GRTP1: variants seen among roughly 807,000 people sequenced by gnomAD.
GRTP1 encodes the protein growth hormone-regulated TBC protein 1.
In GRTP1, 56 loss-of-function variants were observed where a neutral mutation model predicts 38.1. The observed-to-expected ratio is 1.47, with a 90% CI of 1.19 to 1.84. GRTP1 has a LOEUF of 1.84. Among genes scored for constraint, GRTP1 ranks in the 40% most tolerant of loss-of-function variants. The pLI, the probability that GRTP1 is intolerant of heterozygous loss-of-function variation, is 0.00. For missense variants in GRTP1, 506 were observed against 453.9 expected (o/e 1.11, Z -1.04); for synonymous variants, 217 against 189.5 (o/e 1.14, Z -1.19).
chr13:113,347,684 A>G (rs1469684459), intron 4 of GRTP1, among the ~76,000 whole-genome samples: 3 of 19,534 alleles, frequency 1.5e-4, no homozygotes, highest in East Asian at 1.1e-3. Context: ...GGCAGAGAGC[A>G]GACCCGGGAG....
chr13:113,328,071 C>T (rs891256399), intron 5 of GRTP1, among the ~76,000 whole-genome samples: 7 of 152,238 alleles, frequency 4.6e-5, no homozygotes, highest in East Asian at 1.9e-4. Context: ...GCCGGCGCAG[C>T]GGCTGCTCCC....
chr13:113,338,173 G>A (rs1295184598), intron 5 of GRTP1, among the ~76,000 whole-genome samples: 2 of 152,298 alleles, frequency 1.3e-5, no homozygotes, highest in Non-Finnish European at 1.5e-5. Flanking sequence ...TCGCCCGCCC[G>A]GGGAGCGGCG....
chr13:113,359,490 CGGGAGGAT>C (rs916173883), intron 2 of GRTP1: 1 of 152,254 alleles, frequency 6.6e-6, no homozygotes, highest in African/African-American at 2.4e-5. Context: ...GAGGCTGAGG[CGGGAGGAT>C]TGCTCCTCTA....
In GRTP1 at chr13:113,325,344, A is replaced by G. The variant is rs1181590494; in HGVS notation, c.921+317T>C. 30 of 1,410,276 alleles carry G rather than the reference A, an allele frequency of 2.1e-5. No homozygotes were observed. The East Asian group carries it at 7.6e-4, about 36-fold the overall frequency. 87.4% of individuals were successfully genotyped at this position (1,410,276 alleles called of 1,614,324 possible). A position where few individuals can be genotyped will look rare whatever the true frequency, so the allele number is the denominator to read the frequency against. ...GACCTGAGTCTATACGGCCTGCGCC[A>G]GGTCCAGGACCCAGTGGGGAGGCCG... On this transcript the variant is annotated intron_variant, in intron 7 of 7. Transcript: ENST00000375431.
Position 113,338,443 on chromosome 13 carries a change from G to A in GRTP1, c.562+6420C>T, listed in dbSNP as rs182584386. ...GACCCCCTCTAAGTGACTCATGAGC[G>A]ATGAACCAAACAGTCCGCAACAACA... On this transcript the variant is annotated intron_variant, in intron 5 of 7. Transcript: ENST00000375431. Among the ~76,000 whole-genome samples, 14 of 152,232 alleles carry A rather than the reference G, an allele frequency of 9.2e-5. No individual in the cohort carries two copies. The East Asian group carries it at 1.4e-3, about 15-fold the overall frequency.
chr13:113,324,709 G>C (rs2042733655), intron 7 of GRTP1, 132 bp from the exon 8 acceptor site: 5 of 1,442,042 alleles, frequency 3.5e-6, no homozygotes, highest in Non-Finnish European at 3.6e-6. Context: ...AGGGCTTCTG[G>C]GGTGACCCAC....
At chr13:113,326,952 A>G (rs778696500) in intron 5 of GRTP1, among the ~76,000 whole-genome samples, 4 of 152,210 alleles carry the variant, frequency 2.6e-5, no homozygotes, top group African/African-American at 9.6e-5. Flanking sequence ...GGCGGCGGCA[A>G]TGGTTACACA....
At chr13:113,340,733 T>C (rs1018745945) in intron 5 of GRTP1, among the ~76,000 whole-genome samples, 1 of 152,004 alleles carries the variant, frequency 6.6e-6, no homozygotes, top group Non-Finnish European at 1.5e-5. Context: ...TGAGCCGAGA[T>C]TGCGCCACTG....
intron 5 of GRTP1, among the ~76,000 whole-genome samples, chr13:113,341,442 T>C (rs557519865): frequency 6.6e-6 from 1 of 152,192 alleles, no homozygotes; most frequent in East Asian, 1.9e-4. Context: ...AATTTTTGTA[T>C]TTTTAGTAGA....
In GRTP1 at chr13:113,355,415, C is replaced by G. The variant is rs760267772; in HGVS notation, c.248G>C (p.Gly83Ala). 2.5e-6 allele frequency: 4 copies of G among 1,613,978 alleles called. No individual in the cohort carries two copies. The highest frequency in any genetic ancestry group is 2.7e-5 in the African/African-American group (2 of 74,938). Residue 83 changes from glycine to alanine, a missense_variant, in exon 3 of 8, where the codon GGG becomes GCG. Coordinates refer to ENST00000375431, the MANE Select transcript of GRTP1 (RefSeq NM_024719.4). ...ATTCTGGTCCATCTGCGCCTGGGCCCCACTCAGCACCATCCAGACGCGGGC... is the reference window on the plus strand; with the variant it reads ...ATTCTGGTCCATCTGCGCCTGGGCCGCACTCAGCACCATCCAGACGCGGGC... ...HRARVWMVLS[G>A]AQAQMDQNPG... is the part of the protein sequence containing the mutation.
chr13:113,327,199 C>T (rs529615090), intron 5 of GRTP1, among the ~76,000 whole-genome samples: 23 of 151,980 alleles, frequency 1.5e-4, no homozygotes, highest in South Asian at 6.2e-4. Flanking sequence ...TTTTTTGAGA[C>T]GGAGTCTCGC....
chr13:113,355,513 C>G (rs1431447475), intron 2 of GRTP1, 32 bp from the exon 3 acceptor site: 3 of 1,582,986 alleles, frequency 1.9e-6, no homozygotes, highest in East Asian at 2.3e-5. Flanking sequence ...AGCGTGTGAG[C>G]TGGACCAGGG....
At chr13:113,330,356 G>T (rs75900525) in intron 5 of GRTP1, among the ~76,000 whole-genome samples, 1 of 134,274 alleles carries the variant, frequency 7.4e-6, no homozygotes, top group Admixed American at 7.3e-5. Flanking sequence ...GGGAGCCCAG[G>T]TGTGTGGAAG....
intron 2 of GRTP1, among the ~76,000 whole-genome samples, chr13:113,362,731 C>T (rs952506071): frequency 2.6e-5 from 4 of 152,200 alleles, no homozygotes; most frequent in African/African-American, 7.2e-5. Context: ...TCCGACCCTC[C>T]GCCCAGGTGC....
intron 5 of GRTP1, among the ~76,000 whole-genome samples, chr13:113,337,773 C>T (rs2042973927): frequency 6.6e-6 from 1 of 152,232 alleles, no homozygotes; most frequent in Non-Finnish European, 1.5e-5. Context: ...TGAGCACCAC[C>T]CTCAGGACAG....
intron 4 of GRTP1, among the ~76,000 whole-genome samples, chr13:113,350,272 G>T (rs1267291727): frequency 6.6e-6 from 1 of 152,096 alleles, no homozygotes; most frequent in Non-Finnish European, 1.5e-5. Flanking sequence ...CGCCCAGCTA[G>T]GTGGCCTCCG....
intron 5 of GRTP1, among the ~76,000 whole-genome samples, chr13:113,330,140 T>C (rs571248257): frequency 8.8e-5 from 12 of 136,806 alleles, no homozygotes; most frequent in African/African-American, 1.2e-4. Context: ...AACCCAGGAG[T>C]GTGCATGGAA....
At chr13:113,325,032 G>T in intron 7 of GRTP1, 1 of 784,208 alleles carries the variant, frequency 1.3e-6, no homozygotes, top group East Asian at 1.2e-4. Flanking sequence ...GTTTCACCGT[G>T]TTGGCCAGGC....
intron 5 of GRTP1, among the ~76,000 whole-genome samples, chr13:113,328,232 A>G (rs2042804462): frequency 6.6e-6 from 1 of 152,196 alleles, no homozygotes; most frequent in African/African-American, 2.4e-5. Flanking sequence ...AACACTGTGC[A>G]TTCATCACCG....
Sources: allele counts gnomAD v4.1 joint callset (sites outside exome capture counted in the v4.1 genomes callset), GRCh38; gene constraint gnomAD v4.1.1; transcripts MANE v1.5; gene names NCBI Gene and HGNC (gene_info 2026-07-23, HGNC 2026-07-21).